Variants in TMEM45B observed in about 807,000 individuals in gnomAD.
The protein encoded by TMEM45B is transmembrane protein 45B.
TMEM45B carries 29 observed loss-of-function variants against 27.3 expected under a neutral mutation model. The ratio of observed to expected loss-of-function variants is 1.06; its 90% CI spans 0.79 to 1.45. The LOEUF (loss-of-function observed/expected upper bound fraction) is 1.45. Ranked by LOEUF, TMEM45B falls within the 40% of genes most tolerant of loss-of-function variation. TMEM45B has a pLI of 0.00. For missense variants in TMEM45B, 348 were observed against 343.9 expected, an observed-to-expected ratio of 1.01 and a Z score of -0.09; for synonymous variants, 143 against 134.7, an observed-to-expected ratio of 1.06 and a Z score of -0.43.
intron 1 of TMEM45B, among the ~76,000 whole-genome samples, chr11:129,836,761 G>C (rs1947625088): frequency 1.3e-5 from 2 of 152,142 alleles, no homozygotes; most frequent in Admixed American, 1.3e-4. Flanking sequence ...AATCTGCCCA[G>C]TGTGTGGTAC....
intron 1 of TMEM45B, among the ~76,000 whole-genome samples, chr11:129,820,672 T>G (rs1947408356): frequency 6.6e-6 from 1 of 152,186 alleles, no homozygotes; most frequent in Non-Finnish European, 1.5e-5. Context: ...TGTCAGGTAG[T>G]TTAGCAAAAG....
At chr11:129,845,136 A>C (rs1291560220) in intron 1 of TMEM45B, among the ~76,000 whole-genome samples, 1 of 152,176 alleles carries the variant, frequency 6.6e-6, no homozygotes, top group African/African-American at 2.4e-5. Context: ...AATCTTAAAA[A>C]CTTTATAACA....
At chr11:129,821,692 T>A (rs1173237403) in intron 1 of TMEM45B, among the ~76,000 whole-genome samples, 1 of 152,182 alleles carries the variant, frequency 6.6e-6, no homozygotes, top group Non-Finnish European at 1.5e-5. Flanking sequence ...TTGAAAACAT[T>A]GCTCTATTTT....
Position 129,826,869 on chromosome 11 carries a change from G to T in TMEM45B, c.-9+10971G>T, listed in dbSNP as rs190793932. 9.6e-3 allele frequency among the ~76,000 whole-genome samples: 1,456 copies of T among 151,912 alleles called. 23 individuals are homozygous for T. Among genetic ancestry groups the T allele is most frequent in the African/African-American group, 0.033 (1,356 of 41,476 alleles). On this transcript the variant is annotated intron_variant, in intron 1 of 5. Transcript: ENST00000281441. ...ACTACAGGCACCCACCACCATGCCC[G>T]GCTAATTTTTTGTATTTTTAGTAGA...
In TMEM45B at chr11:129,818,841, G is replaced by A. The variant is rs149894769; in HGVS notation, c.-9+2943G>A. 6.5e-3 allele frequency among the ~76,000 whole-genome samples: 992 copies of A among 152,254 alleles called. 6 individuals carry two copies. The highest frequency in any genetic ancestry group is 0.011 in the Non-Finnish European group (717 of 68,020). The stretch of plus-strand genomic sequence containing the variant: ...TTGTGGTTTTTCAAGGAAGAAAACC[G>A]GATTTAAGAAAAATAAAGCAAGTAC... On this transcript the variant is annotated intron_variant, in intron 1 of 5. Transcript: ENST00000281441.
intron 1 of TMEM45B, among the ~76,000 whole-genome samples, chr11:129,818,670 A>G (rs561872291): frequency 6.6e-6 from 1 of 152,274 alleles, no homozygotes; most frequent in Admixed American, 6.5e-5. Flanking sequence ...TTTTTCCCGA[A>G]CACTTAATAT....
intron 1 of TMEM45B, among the ~76,000 whole-genome samples, chr11:129,847,499 A>G (rs563557522): frequency 6.6e-6 from 1 of 151,686 alleles, no homozygotes; most frequent in African/African-American, 2.4e-5. Flanking sequence ...AGGGAAGGTC[A>G]GCAGATAAAC....
intron 1 of TMEM45B, among the ~76,000 whole-genome samples, chr11:129,822,033 C>T (rs1465240076): frequency 6.6e-6 from 1 of 152,112 alleles, no homozygotes; most frequent in Non-Finnish European, 1.5e-5. Context: ...AATGGGATCT[C>T]TTGGATCTGT....
intron 4 of TMEM45B, among the ~76,000 whole-genome samples, chr11:129,856,642 C>T (rs1170240690): frequency 6.8e-6 from 1 of 146,852 alleles, no homozygotes; most frequent in African/African-American, 2.5e-5. Context: ...TCACTGCAAG[C>T]TCCACCTCCC....
intron 5 of TMEM45B, among the ~76,000 whole-genome samples, chr11:129,857,855 C>A (rs577451510): frequency 1.3e-5 from 2 of 152,248 alleles, no homozygotes; most frequent in East Asian, 3.9e-4. Flanking sequence ...AAAAAATAAA[C>A]CAGAGCAGAA....
intron 1 of TMEM45B, among the ~76,000 whole-genome samples, chr11:129,836,333 C>T (rs1947619567): frequency 6.6e-6 from 1 of 152,110 alleles, no homozygotes. Flanking sequence ...AAATCTCACC[C>T]ATACCTGGTT....
chr11:129,854,975 C>A (rs942162495), intron 3 of TMEM45B, among the ~76,000 whole-genome samples, 159 bp downstream of exon 3: 1 of 152,216 alleles, frequency 6.6e-6, no homozygotes, highest in Non-Finnish European at 1.5e-5. Context: ...TAGTGCTCTA[C>A]TCTGGATGGG....
intron 1 of TMEM45B, among the ~76,000 whole-genome samples, chr11:129,824,228 T>A (rs1947453279): frequency 6.6e-6 from 1 of 152,176 alleles, no homozygotes; most frequent in African/African-American, 2.4e-5. Flanking sequence ...ATCTATAGAT[T>A]ACTGTTTCTC....
At chr11:129,840,112 C>T (rs1947671283) in intron 1 of TMEM45B, among the ~76,000 whole-genome samples, 1 of 152,204 alleles carries the variant, frequency 6.6e-6, no homozygotes, top group South Asian at 2.1e-4. Flanking sequence ...GTAACTAAAA[C>T]TAACTCATCC....
chr11:129,851,543 C>CAAAAAAAAAAAAAAAAAAAAAAAAAAA (rs71057982), intron 1 of TMEM45B, among the ~76,000 whole-genome samples: 39 of 54,876 alleles, frequency 7.1e-4, no homozygotes, highest in South Asian at 8.7e-4. Context: ...AACTCTGCCT[C>CAAAAAAAAAAAAAAAAAAAAAAAAAAA]AAAAAAAAAA....
chr11:129,858,465 GA>G, intron 5 of TMEM45B, 108 bp from the exon 6 acceptor site: 1 of 690,126 alleles, frequency 1.4e-6, no homozygotes, highest in Non-Finnish European at 2.4e-6. Flanking sequence ...CACAGTATTT[GA>G]TAGAAATATA....
At chr11:129,837,342 G>A (rs1193832075) in intron 1 of TMEM45B, among the ~76,000 whole-genome samples, 3 of 151,860 alleles carry the variant, frequency 2.0e-5, no homozygotes, top group South Asian at 2.1e-4. Context: ...CTGAAGTGCA[G>A]TGGCGCCATC....
At chr11:129,850,795 C>T (rs1276229691) in intron 1 of TMEM45B, among the ~76,000 whole-genome samples, 1 of 152,182 alleles carries the variant, frequency 6.6e-6, no homozygotes, top group Non-Finnish European at 1.5e-5. Flanking sequence ...ACATCTACAG[C>T]TCTCCTCTTC....
At chr11:129,847,581 T>C (rs1742597060) in intron 1 of TMEM45B, among the ~76,000 whole-genome samples, 1 of 150,664 alleles carries the variant, frequency 6.6e-6, no homozygotes, top group Admixed American at 6.6e-5. Context: ...TAGGGAGTGG[T>C]GATGACTCTT....
Sources: gnomAD v4.1 joint callset for allele counts (sites outside exome capture counted in the v4.1 genomes callset) on GRCh38, gnomAD v4.1.1 for gene constraint, MANE v1.5 for transcripts, NCBI Gene and HGNC (gene_info 2026-07-23, HGNC 2026-07-21) for gene names.